NUDT14: variants seen among roughly 807,000 people sequenced by gnomAD.
The protein encoded by NUDT14 is nudix hydrolase 14, also known as uridine diphosphate glucose pyrophosphatase NUDT14.
Under a neutral mutation model 17.5 loss-of-function variants are expected in NUDT14, and 22 were observed. The ratio of observed to expected loss-of-function variants is 1.26; its 90% CI spans 0.90 to 1.80. The LOEUF is 1.80. NUDT14 is among the 40% of genes most tolerant of loss of function. NUDT14 has a pLI of 0.00. For missense variants in NUDT14, 296 were observed against 295.6 expected, an observed-to-expected ratio of 1.00 and a Z score of -0.01; for synonymous variants, 129 against 125.8, an observed-to-expected ratio of 1.03 and a Z score of -0.17.
intron 2 of NUDT14, chr14:105,177,290 G>T: frequency 3.2e-6 from 2 of 621,250 alleles, no homozygotes; most frequent in Non-Finnish European, 2.9e-6. Context: ...ACGGGCAGCT[G>T]AGTAGGTCAG....
chr14:105,181,202 C>A lies in NUDT14; in HGVS notation c.8G>T (p.Arg3Leu), dbSNP rs762860734. MERIEGASVGRCA... is the reference protein window; with the variant it reads MELIEGASVGRCA... Reference sequence around the variant, plus strand: ...GCGGCCCACGGACGCCCCCTCGATGCGCTCCATGGCGGCGCCCGGACAGGC... The same window carrying A: ...GCGGCCCACGGACGCCCCCTCGATGAGCTCCATGGCGGCGCCCGGACAGGC... The change falls in exon 1 of 5, where the codon CGC becomes CTC. Residue 3 changes from arginine (R) to leucine (L), a missense_variant. Transcript: ENST00000392568. The surrounding 1 kb of genome is among the most constrained non-coding windows in gnomAD (Gnocchi z 5.0). The A allele has an allele frequency of 3.5e-6, 4 of 1,156,482 alleles. No homozygotes were observed. The highest frequency in any genetic ancestry group is 5.3e-5 in the South Asian group (2 of 37,884). 71.6% of individuals were successfully genotyped at this position (1,156,482 alleles called of 1,614,324 possible). A position where few individuals can be genotyped will look rare whatever the true frequency, so the allele number is the denominator to read the frequency against.
intron 1 of NUDT14, among the ~76,000 whole-genome samples, chr14:105,179,501 G>A (rs927969304): frequency 1.3e-4 from 20 of 152,348 alleles, no homozygotes; most frequent in Non-Finnish European, 2.4e-4. Context: ...CTGTGCCGGC[G>A]GGCTGCCCGC....
intron 1 of NUDT14, among the ~76,000 whole-genome samples, chr14:105,180,362 G>T (rs1218338662): frequency 6.6e-6 from 1 of 152,202 alleles, no homozygotes; most frequent in Non-Finnish European, 1.5e-5. Flanking sequence ...CTACTGGGGC[G>T]GGGGCTGAGG....
In NUDT14 at chr14:105,177,019, A is replaced by G. The variant is rs755916686; in HGVS notation, c.134T>C (p.Val45Ala). The change falls in exon 3 of 5, where the codon GTT becomes GCT. Residue 45 changes from valine to alanine, a missense_variant. Transcript: ENST00000392568. ...CCTCCGAGAAGAGTTGAATAAGAGA[A>G]CGGTCACGCTGTGTACGGGGGGAGG... ...DFMKTHDSVT[V>A]LLFNSSRRSL... 1 of 1,611,698 alleles carries G rather than the reference A, an allele frequency of 6.2e-7. No individual in the cohort carries two copies. The highest frequency in any genetic ancestry group is 8.5e-7 in the Non-Finnish European group (1 of 1,179,716).
chr14:105,178,314 G>A (rs149875972), intron 1 of NUDT14, among the ~76,000 whole-genome samples: 3 of 152,128 alleles, frequency 2.0e-5, no homozygotes, highest in Admixed American at 6.5e-5. Flanking sequence ...TGCAGGACTC[G>A]GTGACTGTCA....
At chr14:105,179,847 G>C (rs1281264648) in intron 1 of NUDT14, among the ~76,000 whole-genome samples, 2 of 152,212 alleles carry the variant, frequency 1.3e-5, no homozygotes, top group Non-Finnish European at 2.9e-5. Flanking sequence ...TCTCAGGCTG[G>C]GGGCCAAGAG....
chr14:105,176,548 C>T lies in NUDT14; in HGVS notation c.414G>A (p.Arg138=). Residue 138 remains arginine, a synonymous_variant, in exon 4 of 5, where the codon CGG becomes CGA. Coordinates refer to ENST00000392568, the MANE Select transcript of NUDT14 (RefSeq NM_177533.5). ...GYHLAPSDLR[R]VATYWSGVGL... is the part of the protein sequence containing the mutation. Reference sequence around the variant, plus strand: ...GTCCCACTCACCAGTATGTGGCGACCCGGCGCAGATCAGAGGGGGCCAAGT... The same window carrying T: ...GTCCCACTCACCAGTATGTGGCGACTCGGCGCAGATCAGAGGGGGCCAAGT... 6.2e-7 allele frequency: 1 copy of T among 1,612,590 alleles called. No homozygotes were observed. Among genetic ancestry groups the T allele is most frequent in the Non-Finnish European group, 8.5e-7 (1 of 1,179,792 alleles).
Position 105,173,284 on chromosome 14 carries a change from C to T in NUDT14, c.429-23G>A, listed in dbSNP as rs982373380. ...GACCTACGGGTTGAGACAGGGTCTG[C>T]TGAGTCACCCACGCTGGCCCCGCTG... On this transcript the variant is annotated intron_variant, in intron 4 of 4. Coordinates refer to ENST00000392568, the MANE Select transcript of NUDT14 (RefSeq NM_177533.5). The surrounding 1 kb of genome is among the most constrained non-coding windows in gnomAD (Gnocchi z 4.7). 1.3e-6 allele frequency: 2 copies of T among 1,491,802 alleles called. No homozygotes were observed. Among genetic ancestry groups the T allele is most frequent in the Non-Finnish European group, 1.8e-6 (2 of 1,120,362 alleles). The allele number at this position is 1,491,802 out of a possible 1,614,324, so 92.4% of individuals were successfully genotyped here.
Position 105,177,590 on chromosome 14 carries a change from C to T in NUDT14, c.125+102G>A, listed in dbSNP as rs587607998. ...GGACTTTTGGAGCCCACGCAGGGAA[C>T]AGCAACGTCAGGGAGGAGAGGGCAC... On this transcript the variant is annotated intron_variant, in intron 2 of 4. Transcript: ENST00000392568. 11 of 1,106,086 alleles carry T rather than the reference C, an allele frequency of 9.9e-6. No homozygotes were observed. The South Asian group carries it at 1.1e-4, about 11-fold the overall frequency. 68.5% of individuals were successfully genotyped at this position (1,106,086 alleles called of 1,614,324 possible).
intron 3 of NUDT14, 43 bp from the exon 4 acceptor site, chr14:105,176,814 G>A (rs1298185701): frequency 4.4e-6 from 7 of 1,588,542 alleles, no homozygotes; most frequent in Middle Eastern, 1.7e-4. Flanking sequence ...CCACGTGGTG[G>A]CCACCTCCAG....
At chr14:105,177,551 C>T (rs1034353101) in intron 2 of NUDT14, 141 bp downstream of exon 2, 13 of 763,510 alleles carry the variant, frequency 1.7e-5, no homozygotes, top group South Asian at 3.3e-5. Flanking sequence ...ACCCAGAGGC[C>T]GGGCAGAGAG....
intron 4 of NUDT14, 141 bp downstream of exon 4, chr14:105,176,393 G>C: frequency 2.7e-6 from 2 of 733,068 alleles, no homozygotes; most frequent in Non-Finnish European, 4.7e-6. Context: ...GAGCTGAGGC[G>C]CATTCGGTCC....
Position 105,176,528 on chromosome 14 carries a change from A to G in NUDT14, c.428+6T>C, listed in dbSNP as rs761724095. ...ACCACAGGCCTGAGGGCCTGGTCCC[A>G]CTCACCAGTATGTGGCGACCCGGCG... On this transcript the variant is annotated splice_donor_region_variant and intron_variant, in intron 4 of 4. Coordinates refer to ENST00000392568, the MANE Select transcript of NUDT14 (RefSeq NM_177533.5). 3 of 1,606,420 alleles carry G rather than the reference A, an allele frequency of 1.9e-6. No homozygotes were observed. Among genetic ancestry groups the G allele is most frequent in the East Asian group, 2.2e-5 (1 of 44,824 alleles).
Position 105,173,454 on chromosome 14 carries a change from T to A in NUDT14, c.429-193A>T. 1 of 487,242 alleles carries A rather than the reference T, an allele frequency of 2.1e-6. No homozygotes were observed. The highest frequency in any genetic ancestry group is 3.4e-6 in the Non-Finnish European group (1 of 295,936). The allele number at this position is 487,242 out of a possible 1,614,324, so 30.2% of individuals were successfully genotyped here. ...CCGTGGCCCCTCCCGCAGCAGGGCA[T>A]CCCTTCCCTGATCACGTTGTACTCG... On this transcript the variant is annotated intron_variant, in intron 4 of 4. Coordinates refer to ENST00000392568, the MANE Select transcript of NUDT14 (RefSeq NM_177533.5). This position sits in a 1 kb window ranked among gnomAD's most constrained non-coding sequence, Gnocchi z 4.7.
intron 1 of NUDT14, among the ~76,000 whole-genome samples, chr14:105,178,678 G>A (rs1026695427): frequency 2.0e-5 from 3 of 152,220 alleles, no homozygotes; most frequent in African/African-American, 4.8e-5. Flanking sequence ...ATCCCCCACC[G>A]GGGGCTCTGC....
At chr14:105,176,060 G>A (rs993095887) in intron 4 of NUDT14, 31 of 1,173,788 alleles carry the variant, frequency 2.6e-5, no homozygotes, top group Middle Eastern at 4.7e-4. Context: ...GGCAGCCCTC[G>A]CGGGGCAAGA....
At chr14:105,174,495 A>G (rs1781821579) in intron 4 of NUDT14, among the ~76,000 whole-genome samples, 1 of 151,998 alleles carries the variant, frequency 6.6e-6, no homozygotes, top group Non-Finnish European at 1.5e-5. Flanking sequence ...GCAGGGACAG[A>G]ACTGGGGGCT....
At chr14:105,180,551 C>G (rs1019438170) in intron 1 of NUDT14, among the ~76,000 whole-genome samples, 1 of 152,192 alleles carries the variant, frequency 6.6e-6, no homozygotes, top group Non-Finnish European at 1.5e-5. Context: ...GTGCCGTGGC[C>G]TGGCATGGGA....
In NUDT14 at chr14:105,177,302, G is replaced by A. The variant is rs587757435; in HGVS notation, c.126-275C>T. The stretch of plus-strand genomic sequence containing the variant: ...CACACGGGCAGCTGAGTAGGTCAGG[G>A]TGCTCGCAGCTGAGGCCGGGTGACT... On this transcript the variant is annotated intron_variant, in intron 2 of 4. Transcript: ENST00000392568. 110 of 609,314 alleles carry A rather than the reference G, an allele frequency of 1.8e-4. 1 individual carries two copies. In the South Asian group the frequency reaches 1.9e-3, roughly 11 times the overall value. 37.7% of individuals were successfully genotyped at this position (609,314 alleles called of 1,614,324 possible).
Sources: gnomAD v4.1 joint callset for allele counts (sites outside exome capture counted in the v4.1 genomes callset) on GRCh38, gnomAD v4.1.1 for gene constraint, Gnocchi (gnomAD v3.1) non-coding constraint, MANE v1.5 for transcripts, NCBI Gene and HGNC (gene_info 2026-07-23, HGNC 2026-07-21) for gene names.